Variants in KHDC1 observed in about 807,000 individuals in gnomAD.
The protein encoded by KHDC1 is KH domain containing 1, also known as KH homology domain-containing protein 1.
KHDC1 carries 21 observed loss-of-function variants against 24.7 expected under a neutral mutation model. The ratio of observed to expected loss-of-function variants is 0.85; its 90% CI spans 0.60 to 1.23. The LOEUF is 1.23. KHDC1 is among the 50% of genes most tolerant of loss of function. The pLI is 0.00. For missense variants in KHDC1, 274 were observed against 298.5 expected (o/e 0.92, Z 0.61); for synonymous variants, 98 against 111.7 (o/e 0.88, Z 0.77).
chr6:73,270,635 C>T (rs1767161710), intron 2 of KHDC1: 2 of 152,040 alleles, frequency 1.3e-5, no homozygotes, highest in African/African-American at 4.8e-5. Context: ...ACACCCTCTT[C>T]ACTTAGTGTC....
intron 2 of KHDC1, among the ~76,000 whole-genome samples, chr6:73,260,809 G>A (rs1057101481): frequency 6.6e-6 from 1 of 152,136 alleles, no homozygotes; most frequent in Non-Finnish European, 1.5e-5. Flanking sequence ...AGCATCACTA[G>A]TGCAGTTAAG....
intron 2 of KHDC1, among the ~76,000 whole-genome samples, chr6:73,280,850 T>C (rs1351922610): frequency 6.6e-6 from 1 of 152,204 alleles, no homozygotes; most frequent in African/African-American, 2.4e-5. Flanking sequence ...TTTTAAATCT[T>C]GTCAGTTTGC....
In KHDC1 at chr6:73,298,497, G is replaced by A. The variant is rs372937499; in HGVS notation, c.164-6457C>T. 5.1e-5 allele frequency among the ~76,000 whole-genome samples: 6 copies of A among 117,672 alleles called. No individual in the cohort carries two copies. The East Asian group carries it at 1.1e-3, about 21-fold the overall frequency. The allele number at this position is 117,672 out of a possible 152,430, so 77.2% of individuals were successfully genotyped here. On this transcript the variant is annotated intron_variant, in intron 1 of 4. Transcript: ENST00000370384. ...GTCACCCAGGCTGGAGTGCAGTGTCGCAATCTTGGCTCACAGCAACCTCCG... is the reference window on the plus strand; with the variant it reads ...GTCACCCAGGCTGGAGTGCAGTGTCACAATCTTGGCTCACAGCAACCTCCG...
chr6:73,297,931 C>T (rs35227086), intron 1 of KHDC1, among the ~76,000 whole-genome samples: 10,082 of 152,168 alleles, frequency 0.066, 356 homozygotes, highest in East Asian at 0.13. Flanking sequence ...AAAAATCTCC[C>T]TTTGCAAGAT....
rs879195864 is a variant in KHDC1 at position 73,292,515 on chromosome 6, A to C, written c.164-475T>G. The C allele has an allele frequency of 1.1e-4, 81 of 769,386 alleles. No homozygotes were observed. The African/African-American group carries it at 1.3e-3, about 13-fold the overall frequency. The allele number at this position is 769,386 out of a possible 1,614,324, so 47.7% of individuals were successfully genotyped here. A position where few individuals can be genotyped will look rare whatever the true frequency, so the allele number is the denominator to read the frequency against. On this transcript the variant is annotated intron_variant, in intron 1 of 4. Coordinates refer to ENST00000370384, the Ensembl canonical transcript of KHDC1. The stretch of plus-strand genomic sequence containing the variant: ...ATCTTAAAGCAGAATTGGGATGCAG[A>C]CATGGAAGACCTTACATGGTTAAAA...
intron 2 of KHDC1, among the ~76,000 whole-genome samples, chr6:73,254,763 G>A (rs1437460605): frequency 1.3e-5 from 2 of 152,088 alleles, no homozygotes; most frequent in African/African-American, 4.8e-5. Flanking sequence ...GGCACTTTGG[G>A]AGGCCGAGGT....
intron 2 of KHDC1, among the ~76,000 whole-genome samples, chr6:73,266,111 C>A (rs1320926859): frequency 4.6e-5 from 7 of 152,008 alleles, no homozygotes; most frequent in African/African-American, 1.7e-4. Context: ...TTATAAGAAG[C>A]AAAATAAACT....
chr6:73,255,520 CTTT>C (rs753024090), intron 2 of KHDC1, among the ~76,000 whole-genome samples: 1 of 131,766 alleles, frequency 7.6e-6, no homozygotes, highest in Admixed American at 7.7e-5. Context: ...CCACACCTGG[CTTT>C]TTTTTTTTTT....
intron 2 of KHDC1, among the ~76,000 whole-genome samples, chr6:73,279,104 T>C (rs888870028): frequency 6.6e-6 from 1 of 152,210 alleles, no homozygotes. Flanking sequence ...GCATGTGGTA[T>C]TAATGAATAA....
At chr6:73,254,880 T>C (rs1442447233) in intron 2 of KHDC1, among the ~76,000 whole-genome samples, 2 of 152,006 alleles carry the variant, frequency 1.3e-5, no homozygotes, top group African/African-American at 4.8e-5. Context: ...CAGGCGCCTT[T>C]AGTCCTAGCT....
chr6:73,290,583 T>C (rs147979020), intron 2 of KHDC1: 1 of 512,008 alleles, frequency 2.0e-6, no homozygotes, highest in East Asian at 5.3e-5. Flanking sequence ...TGGGAGAAGC[T>C]TCTGCTGGCA....
intron 1 of KHDC1, among the ~76,000 whole-genome samples, chr6:73,293,896 C>T (rs549219747): frequency 6.6e-6 from 1 of 151,804 alleles, no homozygotes; most frequent in East Asian, 1.9e-4. Flanking sequence ...ATCCCAGCTA[C>T]TCAGGAGGCT....
chr6:73,308,600 C>T (rs980209375), intron 1 of KHDC1, among the ~76,000 whole-genome samples: 1 of 151,812 alleles, frequency 6.6e-6, no homozygotes, highest in African/African-American at 2.4e-5. Context: ...GCCTCGACCT[C>T]CCCGGGCTCA....
intron 2 of KHDC1, chr6:73,291,225 C>T: frequency 2.3e-6 from 1 of 437,196 alleles, no homozygotes; most frequent in South Asian, 1.7e-5. Context: ...ACTTCCACTG[C>T]TCAGACCACT....
chr6:73,250,523 C>G (rs2150556076), intron 2 of KHDC1, among the ~76,000 whole-genome samples: 1 of 152,312 alleles, frequency 6.6e-6, no homozygotes, highest in East Asian at 1.9e-4. Flanking sequence ...GGAGGCAAAC[C>G]AAGAAACTGA....
chr6:73,308,021 G>A (rs1296331418), intron 1 of KHDC1, among the ~76,000 whole-genome samples: 1 of 151,288 alleles, frequency 6.6e-6, no homozygotes, highest in Non-Finnish European at 1.5e-5. Flanking sequence ...TCCTGCCTCA[G>A]CCTCCCGAGT....
chr6:73,269,790 CAG>C (rs1163559792), intron 2 of KHDC1: 3 of 151,964 alleles, frequency 2.0e-5, no homozygotes, highest in Non-Finnish European at 4.4e-5. Context: ...TTGTTGGAGA[CAG>C]AGCCTCACTC....
At chr6:73,281,652 C>T (rs147860503) in intron 2 of KHDC1, among the ~76,000 whole-genome samples, 34 of 150,548 alleles carry the variant, frequency 2.3e-4, no homozygotes, top group Middle Eastern at 3.5e-3. Context: ...TCTAGATTTA[C>T]AGAAGAGTTG....
rs1481167770 is a variant in KHDC1 at position 73,272,059 on chromosome 6, C to G, written c.206+19939G>C. ...CTATGAGTAGTGTTGACTGTCAACA[C>G]CAGACAACACTACTCATAGAAAAGC... On this transcript the variant is annotated intron_variant, in intron 2 of 4. Coordinates refer to ENST00000370384, the Ensembl canonical transcript of KHDC1. Among the ~76,000 whole-genome samples the G allele has an allele frequency of 4.0e-5, 6 of 150,844 alleles. No individual in the cohort carries two copies. The East Asian group carries it at 7.9e-4, about 20-fold the overall frequency.
Sources: gnomAD v4.1 joint callset for allele counts (sites outside exome capture counted in the v4.1 genomes callset) on GRCh38, gnomAD v4.1.1 for gene constraint, MANE v1.5 for transcripts, NCBI Gene and HGNC (gene_info 2026-07-23, HGNC 2026-07-21) for gene names.